Variants in GALNT13 observed in about 807,000 individuals in gnomAD.
The protein encoded by GALNT13 is polypeptide N-acetylgalactosaminyltransferase 13.
In GALNT13, 28 loss-of-function variants were observed where a neutral mutation model predicts 64.2. The observed-to-expected ratio is 0.44, with a 90% confidence interval of 0.32 to 0.60. The LOEUF is 0.60. Among genes scored for constraint, GALNT13 ranks in the 20% least tolerant of loss-of-function variants. The pLI is 0.05. For missense variants in GALNT13, 577 were observed against 669.8 expected, an observed-to-expected ratio of 0.86 and a Z score of 1.53; for synonymous variants, 214 against 224.6, an observed-to-expected ratio of 0.95 and a Z score of 0.42.
chr2:153,936,711 A>G (rs1690946587), intron 2 of GALNT13, among the ~76,000 whole-genome samples: 1 of 152,086 alleles, frequency 6.6e-6, no homozygotes, highest in African/African-American at 2.4e-5. Flanking sequence ...CAGGGAAGAT[A>G]TCTAATTAAA....
the GALNT13 span, among the ~76,000 whole-genome samples, chr2:153,584,008 A>G: frequency 0.43 from 65,446 of 151,960 alleles, 14,742 homozygotes; most frequent in South Asian, 0.61. Flanking sequence ...CTTGGTACAA[A>G]CCATCGGCAC....
At chr2:154,033,047 A>G (rs1698442268) in intron 3 of GALNT13, among the ~76,000 whole-genome samples, 1 of 151,696 alleles carries the variant, frequency 6.6e-6, no homozygotes, top group African/African-American at 2.4e-5. Context: ...CATTATTATT[A>G]ATTAATTTTC....
the GALNT13 span, among the ~76,000 whole-genome samples, chr2:153,273,211 G>A: frequency 5.9e-5 from 9 of 152,172 alleles, no homozygotes; most frequent in Admixed American, 4.6e-4. Flanking sequence ...AAACCACCAT[G>A]TCATGTGTAT....
intron 9 of GALNT13, among the ~76,000 whole-genome samples, chr2:154,384,402 A>T (rs915773696): frequency 1.3e-5 from 2 of 151,900 alleles, no homozygotes; most frequent in Non-Finnish European, 2.9e-5. Flanking sequence ...ATTAAAATAT[A>T]AGCAGATTGT....
the GALNT13 span, among the ~76,000 whole-genome samples, chr2:153,100,512 A>C: frequency 6.6e-6 from 1 of 152,198 alleles, no homozygotes; most frequent in Non-Finnish European, 1.5e-5. Flanking sequence ...TGGAAGAAAT[A>C]AGGAATTACT....
intron 3 of GALNT13, among the ~76,000 whole-genome samples, chr2:154,076,104 C>G (rs1188778215): frequency 6.6e-6 from 1 of 151,606 alleles, no homozygotes; most frequent in African/African-American, 2.4e-5. Context: ...CAGCTCTGCT[C>G]TCCCTCTTCT....
chr2:153,624,830 T>C, the GALNT13 span, among the ~76,000 whole-genome samples: 1 of 151,588 alleles, frequency 6.6e-6, no homozygotes, highest in Admixed American at 6.6e-5. Context: ...GAAAACTGTT[T>C]TTATAGAGTG....
the GALNT13 span, among the ~76,000 whole-genome samples, chr2:153,651,834 A>T: frequency 6.6e-6 from 1 of 152,324 alleles, no homozygotes; most frequent in African/African-American, 2.4e-5. Context: ...TGATGATCTT[A>T]CAGTTTTCCT....
At chr2:153,611,678 CCTTTTTTTTT>C in the GALNT13 span, among the ~76,000 whole-genome samples, 2 of 127,796 alleles carry the variant, frequency 1.6e-5, no homozygotes, top group Non-Finnish European at 3.3e-5. Flanking sequence ...CACATTTTTA[CCTTTTTTTTT>C]TTTTTTTTTT....
the GALNT13 span, among the ~76,000 whole-genome samples, chr2:153,323,694 A>G: frequency 1.1e-4 from 17 of 152,156 alleles, no homozygotes; most frequent in African/African-American, 3.9e-4. Context: ...TCCAGTTTCA[A>G]TTTTCTGCAT....
chr2:153,631,395 C>T, the GALNT13 span, among the ~76,000 whole-genome samples: 2 of 152,160 alleles, frequency 1.3e-5, no homozygotes, highest in Non-Finnish European at 2.9e-5. Flanking sequence ...CACTGTCCTC[C>T]ACAATGGTTG....
the GALNT13 span, among the ~76,000 whole-genome samples, chr2:153,448,966 A>G: frequency 6.6e-6 from 1 of 152,090 alleles, no homozygotes. Flanking sequence ...GACACCAGAG[A>G]GCGCGTGTGT....
chr2:153,292,166 A>G, the GALNT13 span, among the ~76,000 whole-genome samples: 3 of 152,156 alleles, frequency 2.0e-5, no homozygotes, highest in Non-Finnish European at 4.4e-5. Context: ...GAAGCACATC[A>G]CGGTGGGCCA....
chr2:153,965,708 G>T (rs183057623), intron 3 of GALNT13, among the ~76,000 whole-genome samples: 2 of 149,858 alleles, frequency 1.3e-5, no homozygotes, highest in East Asian at 2.0e-4. Flanking sequence ...ATGCTTTGTA[G>T]TTACCATAAG....
the GALNT13 span, among the ~76,000 whole-genome samples, chr2:153,749,392 A>T: frequency 1.3e-5 from 2 of 152,120 alleles, no homozygotes; most frequent in Non-Finnish European, 2.9e-5. Flanking sequence ...TGATATTTTG[A>T]TAGAGATTGT....
At chr2:153,798,995 G>C in the GALNT13 span, among the ~76,000 whole-genome samples, 136,053 of 152,138 alleles carry the variant, frequency 0.89, 61,895 homozygotes, top group African/African-American at 0.97. Context: ...GATATAAACT[G>C]TGTATTTGTT....
chr2:153,917,032 C>T (rs142405564), intron 2 of GALNT13, among the ~76,000 whole-genome samples: 3 of 152,256 alleles, frequency 2.0e-5, no homozygotes, highest in African/African-American at 4.8e-5. Context: ...AAATTATACA[C>T]CTCTGGGCCT....
At chr2:153,445,369 A>G in the GALNT13 span, among the ~76,000 whole-genome samples, 1 of 152,142 alleles carries the variant, frequency 6.6e-6, no homozygotes, top group African/African-American at 2.4e-5. Context: ...AAAAATAACA[A>G]AATAGGAAAA....
chr2:153,815,712 A>G, the GALNT13 span, among the ~76,000 whole-genome samples: 1 of 152,204 alleles, frequency 6.6e-6, no homozygotes, highest in East Asian at 1.9e-4. Flanking sequence ...TCTAAAAGTA[A>G]TAAATCATTT....
Sources: allele counts gnomAD v4.1 joint callset (sites outside exome capture counted in the v4.1 genomes callset), GRCh38; gene constraint gnomAD v4.1.1; transcripts MANE v1.5; gene names NCBI Gene and HGNC (gene_info 2026-07-23, HGNC 2026-07-21).